CCDC91: variants seen among roughly 807,000 people sequenced by gnomAD.
CCDC91 encodes coiled-coil domain-containing protein 91.
A neutral mutation model predicts 63.2 loss-of-function variants in CCDC91; 48 were observed. The observed-to-expected ratio is 0.76, with a 90% confidence interval of 0.60 to 0.97. The LOEUF is 0.97. Ranked by LOEUF, CCDC91 falls within the 50% of genes least tolerant of loss-of-function variation. The pLI, the probability that CCDC91 is intolerant of heterozygous loss-of-function variation, is 0.00. For missense variants in CCDC91, 500 were observed against 494.6 expected, an observed-to-expected ratio of 1.01 and a Z score of -0.10; for synonymous variants, 167 against 165.8, an observed-to-expected ratio of 1.01 and a Z score of -0.06.
chr12:28,534,854 T>C (rs1294512581), intron 12 of CCDC91, among the ~76,000 whole-genome samples: 1 of 152,172 alleles, frequency 6.6e-6, no homozygotes, highest in Non-Finnish European at 1.5e-5. Flanking sequence ...TTCCCTCATT[T>C]CTCTATCATT....
At chr12:28,548,086 C>T (rs1483764871) in intron 12 of CCDC91, among the ~76,000 whole-genome samples, 1 of 152,012 alleles carries the variant, frequency 6.6e-6, no homozygotes, top group Non-Finnish European at 1.5e-5. Context: ...TTCTTATATT[C>T]AATAATGTTT....
chr12:28,538,489 C>A (rs1942367930), intron 12 of CCDC91, among the ~76,000 whole-genome samples: 1 of 151,942 alleles, frequency 6.6e-6, no homozygotes, highest in Non-Finnish European at 1.5e-5. Context: ...GCCACATTTT[C>A]TTAATCCAGT....
In CCDC91 at chr12:28,361,551, A is replaced by G. The variant is rs866567155; in HGVS notation, c.577-887A>G. ...TTTTAAAAATATTTTCCATCATATT[A>G]AATATTCCTTTTGCTGTAGTCTTTA... On this transcript the variant is annotated intron_variant, in intron 6 of 12. Transcript: ENST00000536442. 2.4e-4 allele frequency among the ~76,000 whole-genome samples: 37 copies of G among 151,676 alleles called. 1 individual carries two copies. The highest frequency in any genetic ancestry group is 8.7e-4 in the African/African-American group (36 of 41,506).
At chr12:28,270,309 T>C (rs1592158527) in intron 3 of CCDC91, among the ~76,000 whole-genome samples, 2 of 152,252 alleles carry the variant, frequency 1.3e-5, no homozygotes, top group East Asian at 3.9e-4. Context: ...AGGTATTACT[T>C]AAACTTAATC....
At chr12:28,334,275 T>C (rs1404229983) in intron 6 of CCDC91, among the ~76,000 whole-genome samples, 1 of 152,282 alleles carries the variant, frequency 6.6e-6, no homozygotes, top group African/African-American at 2.4e-5. Context: ...TATAGTTCTA[T>C]TCTTTATCTA....
chr12:28,213,644 A>G (rs1240317117), intron 1 of CCDC91, among the ~76,000 whole-genome samples: 1 of 152,210 alleles, frequency 6.6e-6, no homozygotes, highest in Non-Finnish European at 1.5e-5. Context: ...CCCTGCATGC[A>G]TTGCTTCTGC....
chr12:28,285,303 A>G (rs2136659568), intron 3 of CCDC91, among the ~76,000 whole-genome samples: 1 of 152,270 alleles, frequency 6.6e-6, no homozygotes, highest in Non-Finnish European at 1.5e-5. Flanking sequence ...TGGAAACTGA[A>G]TCTTGCAGAC....
chr12:28,192,099 A>G (rs1053439484), intron 1 of CCDC91, among the ~76,000 whole-genome samples: 1 of 152,208 alleles, frequency 6.6e-6, no homozygotes, highest in Non-Finnish European at 1.5e-5. Flanking sequence ...ATTTTTGTTT[A>G]TTTTGATCAT....
chr12:28,493,068 C>T (rs1952096224), intron 12 of CCDC91, among the ~76,000 whole-genome samples: 1 of 151,410 alleles, frequency 6.6e-6, no homozygotes, highest in Non-Finnish European at 1.5e-5. Context: ...AAAGAACCAC[C>T]ATTTATTGGG....
At chr12:28,476,783 G>A (rs1171951816) in intron 11 of CCDC91, among the ~76,000 whole-genome samples, 1 of 151,776 alleles carries the variant, frequency 6.6e-6, no homozygotes, top group Non-Finnish European at 1.5e-5. Flanking sequence ...AATGATAAAG[G>A]GGATACCACC....
At chr12:28,283,995 A>G (rs1447756588) in intron 3 of CCDC91, among the ~76,000 whole-genome samples, 2 of 152,148 alleles carry the variant, frequency 1.3e-5, no homozygotes, top group Non-Finnish European at 2.9e-5. Flanking sequence ...TGTGTTTGAC[A>G]TGGTCTGGTT....
In CCDC91 at chr12:28,241,443, G is replaced by A. The variant is rs532687914; in HGVS notation, c.-14-15759G>A. On this transcript the variant is annotated intron_variant, in intron 1 of 12. Transcript: ENST00000536442. The stretch of plus-strand genomic sequence containing the variant: ...CTGCCTTTCCCCCAAGTGGCAGCTT[G>A]CAGTTTTGCTTTGTATGAAGAATAG... Among the ~76,000 whole-genome samples the A allele has an allele frequency of 5.9e-5, 9 of 152,224 alleles. 1 individual carries two copies. The South Asian group carries it at 1.9e-3, about 32-fold the overall frequency.
chr12:28,227,600 A>G (rs950694410), intron 1 of CCDC91, among the ~76,000 whole-genome samples: 10 of 151,902 alleles, frequency 6.6e-5, no homozygotes, highest in African/African-American at 1.2e-4. Context: ...TTTGTACCCA[A>G]ACTTGCTTTT....
intron 6 of CCDC91, among the ~76,000 whole-genome samples, chr12:28,334,682 G>A (rs2137773986): frequency 6.6e-6 from 1 of 152,164 alleles, no homozygotes; most frequent in Non-Finnish European, 1.5e-5. Flanking sequence ...TTTAGAAAAT[G>A]GTTTTTTGGA....
intron 3 of CCDC91, among the ~76,000 whole-genome samples, chr12:28,303,373 CTTTT>C (rs1938291286): frequency 1.3e-5 from 2 of 152,064 alleles, no homozygotes; most frequent in South Asian, 4.2e-4. Context: ...TCATCTCTTT[CTTTT>C]TCTCTTTTCT....
At chr12:28,451,382 G>C (rs183937600) in intron 10 of CCDC91, among the ~76,000 whole-genome samples, 108 of 151,720 alleles carry the variant, frequency 7.1e-4, no homozygotes, top group South Asian at 8.3e-4. Context: ...ATATATGTTT[G>C]ATGTGAATAA....
chr12:28,340,562 G>A (rs1388569038), intron 6 of CCDC91, among the ~76,000 whole-genome samples: 1 of 152,168 alleles, frequency 6.6e-6, no homozygotes, highest in African/African-American at 2.4e-5. Flanking sequence ...GGCTGTTTGA[G>A]TCTTTCTTAT....
intron 11 of CCDC91, among the ~76,000 whole-genome samples, chr12:28,481,236 A>T (rs1257504924): frequency 6.6e-6 from 1 of 151,948 alleles, no homozygotes; most frequent in Admixed American, 6.6e-5. Context: ...AGTACCTTTC[A>T]TTCCAAACTA....
intron 1 of CCDC91, among the ~76,000 whole-genome samples, chr12:28,192,216 A>G (rs1259822759): frequency 6.6e-6 from 1 of 152,216 alleles, no homozygotes; most frequent in African/African-American, 2.4e-5. Context: ...TTTAAAAATG[A>G]GCTTGTCTGG....
Sources: gnomAD v4.1 joint callset for allele counts (sites outside exome capture counted in the v4.1 genomes callset) on GRCh38, gnomAD v4.1.1 for gene constraint, MANE v1.5 for transcripts, NCBI Gene and HGNC (gene_info 2026-07-23, HGNC 2026-07-21) for gene names.